The following DMXL1 variants were observed in gnomAD, a reference collection of about 807,000 sequenced individuals.
The protein encoded by DMXL1 is dmX-like protein 1.
DMXL1 carries 99 observed loss-of-function variants against 319.2 expected under a neutral mutation model. The observed-to-expected ratio is 0.31, with a 90% CI of 0.26 to 0.37. The LOEUF (loss-of-function observed/expected upper bound fraction) is 0.37, where lower values mean the gene tolerates loss of function less well. DMXL1 is among the 10% of genes least tolerant of loss of function. The probability of loss-of-function intolerance (pLI) is 1.00; values close to 1 mark genes in which losing one functional copy is unlikely to be tolerated. For missense variants in DMXL1, 3,745 were observed against 3,595.6 expected, an observed-to-expected ratio of 1.04 and a Z score of -1.06; for synonymous variants, 1,385 against 1,235.2, an observed-to-expected ratio of 1.12 and a Z score of -2.54.
At chr5:119,177,598 G>A (rs1776055527) in intron 27 of DMXL1, 114 bp downstream of exon 27, 1 of 850,564 alleles carries the variant, frequency 1.2e-6, no homozygotes, top group Non-Finnish European at 1.7e-6. Flanking sequence ...TGTTAGAATT[G>A]ATACCAGTTA....
chr5:119,082,658 TTG>T (rs1195603247), intron 1 of DMXL1, among the ~76,000 whole-genome samples: 2 of 152,234 alleles, frequency 1.3e-5, no homozygotes, highest in African/African-American at 4.8e-5. Flanking sequence ...TTCATATAAT[TTG>T]TGAAGATTAA....
At chr5:119,161,676 G>A (rs1447897349) in intron 19 of DMXL1, among the ~76,000 whole-genome samples, 1 of 152,192 alleles carries the variant, frequency 6.6e-6, no homozygotes, top group Non-Finnish European at 1.5e-5. Flanking sequence ...CTCTCTGGTT[G>A]GGCAGGTCTA....
intron 39 of DMXL1, chr5:119,236,581 T>C (rs1387365529): frequency 6.6e-6 from 1 of 152,060 alleles, no homozygotes; most frequent in East Asian, 1.9e-4. Flanking sequence ...GGTATTATTA[T>C]GATCCCAATT....
intron 19 of DMXL1, among the ~76,000 whole-genome samples, chr5:119,161,778 G>A (rs1325009138): frequency 6.6e-6 from 1 of 152,168 alleles, no homozygotes; most frequent in Non-Finnish European, 1.5e-5. Context: ...GTGGAGGTTG[G>A]CCATTTAAGG....
intron 17 of DMXL1, among the ~76,000 whole-genome samples, chr5:119,147,910 T>C (rs1302011703): frequency 6.6e-6 from 1 of 152,180 alleles, no homozygotes; most frequent in Non-Finnish European, 1.5e-5. Flanking sequence ...TGGAAACTTG[T>C]TAGAAATTGG....
At chr5:119,139,401 C>G (rs1425146793) in intron 13 of DMXL1, among the ~76,000 whole-genome samples, 1 of 152,124 alleles carries the variant, frequency 6.6e-6, no homozygotes, top group Non-Finnish European at 1.5e-5. Flanking sequence ...TAATGACACC[C>G]ATAGGCTCAA....
At chr5:119,208,187 T>C (rs1191104026) in intron 34 of DMXL1, among the ~76,000 whole-genome samples, 2 of 151,956 alleles carry the variant, frequency 1.3e-5, no homozygotes, top group Non-Finnish European at 2.9e-5. Context: ...TGATTACTTA[T>C]TACTGTCTAC....
At chr5:119,230,780 G>T (rs1786551716) in intron 38 of DMXL1, among the ~76,000 whole-genome samples, 1 of 152,154 alleles carries the variant, frequency 6.6e-6, no homozygotes, top group Non-Finnish European at 1.5e-5. Flanking sequence ...TACTCAGGAG[G>T]CTGAGGCAGG....
At chr5:119,206,398 T>C (rs1054704221) in intron 33 of DMXL1, 3 of 152,490 alleles carry the variant, frequency 2.0e-5, no homozygotes, top group African/African-American at 4.8e-5. Flanking sequence ...CATGTAGAAA[T>C]TGAAATTTTC....
intron 14 of DMXL1, 22 bp downstream of exon 14, chr5:119,143,952 G>A (rs1453075623): frequency 2.1e-6 from 3 of 1,445,282 alleles, no homozygotes; most frequent in Non-Finnish European, 2.8e-6. Flanking sequence ...TTTTGGGGGG[G>A]AGGTATATTA....
intron 29 of DMXL1, among the ~76,000 whole-genome samples, chr5:119,193,262 C>G (rs1022317455): frequency 7.9e-5 from 12 of 152,120 alleles, no homozygotes; most frequent in African/African-American, 2.9e-4. Flanking sequence ...TCCAACCTTT[C>G]TCCCAGCATT....
At chr5:119,126,675 A>G (rs1211643311) in intron 9 of DMXL1, 1 of 152,648 alleles carries the variant, frequency 6.6e-6, no homozygotes, top group African/African-American at 2.4e-5. Flanking sequence ...ACTGGTGAAG[A>G]TTGATTAGAC....
intron 16 of DMXL1, 25 bp from the exon 17 acceptor site, chr5:119,147,224 T>C: frequency 6.3e-7 from 1 of 1,594,770 alleles, no homozygotes. Context: ...GCCTCAGTTT[T>C]TGGTTCTTTT....
chr5:119,135,516 G>A (rs2150062160), intron 13 of DMXL1, among the ~76,000 whole-genome samples: 1 of 152,306 alleles, frequency 6.6e-6, no homozygotes, highest in East Asian at 1.9e-4. Flanking sequence ...GCCGGAGCAT[G>A]TTTGGTATGT....
intron 1 of DMXL1, among the ~76,000 whole-genome samples, chr5:119,073,099 G>A (rs1482212846): frequency 6.6e-6 from 1 of 152,168 alleles, no homozygotes; most frequent in Non-Finnish European, 1.5e-5. Context: ...GTCTCCCTCT[G>A]TCACCTAGGC....
intron 29 of DMXL1, among the ~76,000 whole-genome samples, chr5:119,192,245 T>C (rs952509039): frequency 1.3e-5 from 2 of 152,228 alleles, no homozygotes; most frequent in African/African-American, 2.4e-5. Flanking sequence ...CCTCCTGTTA[T>C]AATGGAGAAA....
At chr5:119,146,184 T>G (rs1359809439) in intron 15 of DMXL1, among the ~76,000 whole-genome samples, 1 of 151,958 alleles carries the variant, frequency 6.6e-6, no homozygotes, top group Non-Finnish European at 1.5e-5. Flanking sequence ...TATTTTGTTT[T>G]TATAATGTAA....
At chr5:119,241,454 G>A (rs1016674228) in intron 42 of DMXL1, among the ~76,000 whole-genome samples, 21 of 149,752 alleles carry the variant, frequency 1.4e-4, no homozygotes, top group Non-Finnish European at 7.4e-5. Context: ...AGAATGGTGT[G>A]AACCCGGGAG....
chr5:119,211,268 TAGAA>T (rs943776749), intron 34 of DMXL1, among the ~76,000 whole-genome samples: 1 of 152,176 alleles, frequency 6.6e-6, no homozygotes, highest in African/African-American at 2.4e-5. Context: ...GCTAGACTCT[TAGAA>T]TGAATTGACG....
Sources: allele counts gnomAD v4.1 joint callset (sites outside exome capture counted in the v4.1 genomes callset), GRCh38; gene constraint gnomAD v4.1.1; transcripts MANE v1.5; gene names NCBI Gene and HGNC (gene_info 2026-07-23, HGNC 2026-07-21).